NXPH4: variants seen among roughly 807,000 people sequenced by gnomAD.
NXPH4 encodes the protein neurexophilin-4.
In NXPH4, 8 loss-of-function variants were observed where a neutral mutation model predicts 21.3. The ratio of observed to expected loss-of-function variants is 0.38; its 90% CI spans 0.22 to 0.68. NXPH4 has a LOEUF of 0.68. Ranked by LOEUF, NXPH4 falls within the 30% of genes least tolerant of loss-of-function variation. NXPH4 has a pLI of 0.53. For missense variants in NXPH4, 418 were observed against 416.8 expected (o/e 1.00, Z -0.03); for synonymous variants, 219 against 192.6 (o/e 1.14, Z -1.13).
intron 1 of NXPH4, among the ~76,000 whole-genome samples, chr12:57,224,059 G>A (rs1342954926): frequency 1.3e-5 from 2 of 152,216 alleles, no homozygotes; most frequent in East Asian, 3.9e-4. Flanking sequence ...GGCCCAGGTG[G>A]GGGCTCTGGT....
Position 57,225,534 on chromosome 12 carries a change from G to A in NXPH4, c.714G>A (p.Glu238=). The change falls in exon 2 of 2, where the codon GAG becomes GAA. Residue 238 remains glutamate (E), a synonymous_variant. Transcript: ENST00000349394. ...CTTTCAATTGCCACGTGGAGTATGA[G>A]AAGACAAACCGCGCGCGCAAGCACC... The part of the protein sequence containing the change: ...SRAFNCHVEY[E]KTNRARKHRP... 2 of 1,612,988 alleles carry A rather than the reference G, an allele frequency of 1.2e-6. No individual in the cohort carries two copies. Among genetic ancestry groups the A allele is most frequent in the East Asian group, 2.2e-5 (1 of 44,860 alleles).
At chr12:57,221,589 C>G (rs1462821914) in intron 1 of NXPH4, 1 of 329,624 alleles carries the variant, frequency 3.0e-6, no homozygotes, top group African/African-American at 2.2e-5. Flanking sequence ...CCTGGTGCAG[C>G]TCTCCCCGCT....
At chr12:57,221,008 T>C (rs935113736) in intron 1 of NXPH4, among the ~76,000 whole-genome samples, 1 of 151,862 alleles carries the variant, frequency 6.6e-6, no homozygotes, top group Non-Finnish European at 1.5e-5. Flanking sequence ...CCCATCCACA[T>C]CTCTGTCTCT....
chr12:57,219,653 G>A (rs1220862014), intron 1 of NXPH4, among the ~76,000 whole-genome samples: 2 of 152,276 alleles, frequency 1.3e-5, no homozygotes, highest in South Asian at 2.1e-4. Flanking sequence ...ACTTAGGCAC[G>A]CACAGCCTGG....
At position 57,216,894 on chromosome 12, in the gene NXPH4, G is replaced by A. The variant is rs1239322260; in HGVS notation, c.-76G>A. 9.6e-5 allele frequency: 87 copies of A among 910,872 alleles called. No individual in the cohort carries two copies. In the Middle Eastern group the frequency reaches 1.3e-3, roughly 14 times the overall value. 56.4% of individuals were successfully genotyped at this position (910,872 alleles called of 1,614,324 possible). A position where few individuals can be genotyped will look rare whatever the true frequency, so the allele number is the denominator to read the frequency against. On this transcript the variant is annotated 5_prime_UTR_variant, in exon 1 of 2. Transcript: ENST00000349394. This position sits in a 1 kb window ranked among gnomAD's most constrained non-coding sequence, Gnocchi z 5.3. ...CCCGCAGCCGCCCCGCCGCCCGCCC[G>A]GAGCCCCGCGTCCCTAGGCCTGGCT...
intron 1 of NXPH4, among the ~76,000 whole-genome samples, chr12:57,220,500 G>A (rs1348188582): frequency 6.6e-6 from 1 of 152,200 alleles, no homozygotes; most frequent in Non-Finnish European, 1.5e-5. Context: ...TTCAGATAAC[G>A]GTGAGCCTTG....
At chr12:57,222,467 G>T (rs562126935) in intron 1 of NXPH4, among the ~76,000 whole-genome samples, 266 of 152,278 alleles carry the variant, frequency 1.7e-3, no homozygotes, top group African/African-American at 6.2e-3. Flanking sequence ...CTGCTGGGAG[G>T]AGATGGCTTG....
Position 57,216,936 on chromosome 12 carries a change from C to A in NXPH4, c.-34C>A. ...GGCCTGGCTCCCGCCTGCCCGAGAC[C>A]CGCCCAGCCTGCCCCGCTCAGCCGC... On this transcript the variant is annotated 5_prime_UTR_variant, in exon 1 of 2. Transcript: ENST00000349394. This position sits in a 1 kb window ranked among gnomAD's most constrained non-coding sequence, Gnocchi z 5.3. The A allele has an allele frequency of 1.3e-6, 2 of 1,537,330 alleles. No individual in the cohort carries two copies. The highest frequency in any genetic ancestry group is 1.8e-6 in the Non-Finnish European group (2 of 1,141,692).
intron 1 of NXPH4, among the ~76,000 whole-genome samples, chr12:57,222,889 A>T (rs1254881063): frequency 6.6e-6 from 1 of 152,190 alleles, no homozygotes; most frequent in Non-Finnish European, 1.5e-5. Context: ...TGGTGGCAGC[A>T]TTAATAACCC....
At chr12:57,221,541 G>A in intron 1 of NXPH4, 1 of 349,338 alleles carries the variant, frequency 2.9e-6, no homozygotes, top group Non-Finnish European at 5.8e-6. Flanking sequence ...TCAACTCCCT[G>A]CAGGTGCGTG....
chr12:57,226,085 C>T lies in NXPH4; in HGVS notation c.*338C>T. Reference sequence around the variant, plus strand: ...TGGCGCTAGGCTGCGCACTCCCTTTCCCCGCAGCTTTAATAACTCCTGGCC... The same window carrying T: ...TGGCGCTAGGCTGCGCACTCCCTTTTCCCGCAGCTTTAATAACTCCTGGCC... On this transcript the variant is annotated 3_prime_UTR_variant, in exon 2 of 2. Coordinates refer to ENST00000349394, the MANE Select transcript of NXPH4 (RefSeq NM_007224.4). 1.8e-6 allele frequency: 1 copy of T among 540,682 alleles called. No individual in the cohort carries two copies. Among genetic ancestry groups the T allele is most frequent in the East Asian group, 3.1e-5 (1 of 32,588 alleles). 33.5% of individuals were successfully genotyped at this position (540,682 alleles called of 1,614,324 possible).
At chr12:57,221,154 G>T (rs552764623) in intron 1 of NXPH4, among the ~76,000 whole-genome samples, 11 of 151,836 alleles carry the variant, frequency 7.2e-5, no homozygotes, top group African/African-American at 2.7e-4. Flanking sequence ...CTCTGTCTCA[G>T]TCCTCACCCC....
intron 1 of NXPH4, among the ~76,000 whole-genome samples, chr12:57,218,155 G>A (rs1440493581): frequency 6.6e-6 from 1 of 152,184 alleles, no homozygotes; most frequent in African/African-American, 2.4e-5. Flanking sequence ...CTCAGCCCCT[G>A]TAGAGTCTAG....
At chr12:57,222,250 G>A (rs2037099003) in intron 1 of NXPH4, among the ~76,000 whole-genome samples, 1 of 152,134 alleles carries the variant, frequency 6.6e-6, no homozygotes, top group Non-Finnish European at 1.5e-5. Context: ...AAAGCCAGGG[G>A]ATTCGCCAGG....
chr12:57,217,921 G>A (rs2136765776), intron 1 of NXPH4, among the ~76,000 whole-genome samples: 1 of 152,348 alleles, frequency 6.6e-6, no homozygotes, highest in Non-Finnish European at 1.5e-5. Flanking sequence ...CTGGTGTGGT[G>A]TGTGGTGTTG....
Position 57,225,320 on chromosome 12 carries a change from G to T in NXPH4, c.500G>T (p.Trp167Leu). ...AAGCGTGTCGAGTTCGGAGGAGTCT[G>T]GCTGCCCGGGCCTGTCCCCCACCCT... ...PSKRVEFGGV[W>L]LPGPVPHPLQ... Residue 167 changes from tryptophan (W) to leucine (L), a missense_variant, in exon 2 of 2, where the codon TGG becomes TTG. Coordinates refer to ENST00000349394, the MANE Select transcript of NXPH4 (RefSeq NM_007224.4). The T allele has an allele frequency of 6.4e-7, 1 of 1,558,046 alleles. No individual in the cohort carries two copies.
chr12:57,221,297 C>A (rs768179612), intron 1 of NXPH4: 1 of 455,142 alleles, frequency 2.2e-6, no homozygotes, highest in Non-Finnish European at 4.4e-6. Flanking sequence ...TCTTTTCTCC[C>A]CTTCCCCAGC....
rs2037140905 is a variant in NXPH4, at chr12:57,225,798, G to C, written c.*51G>C. The C allele has an allele frequency of 6.4e-7, 1 of 1,569,710 alleles. No homozygotes were observed. Among genetic ancestry groups the C allele is most frequent in the Non-Finnish European group, 8.7e-7 (1 of 1,155,264 alleles). ...CTCCCGCCAAATCCCAGCCTCACTA[G>C]GTGGGACCCCCTTCCCAGTGTTCTG... On this transcript the variant is annotated 3_prime_UTR_variant, in exon 2 of 2. Coordinates refer to ENST00000349394, the MANE Select transcript of NXPH4 (RefSeq NM_007224.4).
intron 1 of NXPH4, 24 bp from the exon 2 acceptor site, chr12:57,224,854 T>C (rs1592675342): frequency 4.2e-6 from 3 of 706,428 alleles, no homozygotes; most frequent in Admixed American, 3.1e-5. Flanking sequence ...CCAGCGTCTC[T>C]CTCTCCTCTT....
Sources: gnomAD v4.1 joint callset for allele counts (sites outside exome capture counted in the v4.1 genomes callset) on GRCh38, gnomAD v4.1.1 for gene constraint, Gnocchi (gnomAD v3.1) non-coding constraint, MANE v1.5 for transcripts, NCBI Gene and HGNC (gene_info 2026-07-23, HGNC 2026-07-21) for gene names.